TCF3: variants seen among roughly 807,000 people sequenced by gnomAD.
The protein encoded by TCF3 is transcription factor 3, also known as transcription factor E2-alpha.
TCF3 carries 54 observed loss-of-function variants against 72.3 expected under a neutral mutation model. The observed-to-expected ratio is 0.75, with a 90% CI of 0.60 to 0.94. The LOEUF (loss-of-function observed/expected upper bound fraction) is 0.94. TCF3 is among the 40% of genes least tolerant of loss of function. The probability of loss-of-function intolerance (pLI) is 0.00; values close to 1 mark genes in which losing one functional copy is unlikely to be tolerated. For missense variants in TCF3, 1,078 were observed against 934.4 expected (o/e 1.15, Z -2.00); for synonymous variants, 525 against 412.6 (o/e 1.27, Z -3.30).
chr19:1,651,520 G>A (rs1203467544), intron 1 of TCF3, among the ~76,000 whole-genome samples: 3 of 152,144 alleles, frequency 2.0e-5, no homozygotes, highest in African/African-American at 4.8e-5. Context: ...AGACTTAGTT[G>A]GGGGGGTGGC....
chr19:1,632,477 C>T (rs1053534755), intron 3 of TCF3, 72 bp from the exon 4 acceptor site: 2 of 1,491,948 alleles, frequency 1.3e-6, no homozygotes, highest in Admixed American at 2.0e-5. Context: ...GGTTCATCAT[C>T]TCAGGGGCAA....
At chr19:1,616,880 T>C (rs1194338409) in intron 16 of TCF3, among the ~76,000 whole-genome samples, 1 of 152,136 alleles carries the variant, frequency 6.6e-6, no homozygotes, top group Non-Finnish European at 1.5e-5. Context: ...TGCCAAAGAA[T>C]AGAAGACACC....
At chr19:1,629,536 G>C (rs989589968) in intron 5 of TCF3, among the ~76,000 whole-genome samples, 29 of 151,840 alleles carry the variant, frequency 1.9e-4, no homozygotes, top group Admixed American at 5.9e-4. Flanking sequence ...TGGCCAAGGC[G>C]AGCCCCCAGC....
intron 13 of TCF3, among the ~76,000 whole-genome samples, chr19:1,620,362 A>G (rs1414442359): frequency 2.0e-5 from 3 of 151,722 alleles, no homozygotes; most frequent in Non-Finnish European, 4.4e-5. Context: ...CCTGCCCCCG[A>G]CCCCCTGCGG....
chr19:1,619,236 TGCAGGCGTGG>T lies in TCF3; in HGVS notation c.1327-12_1327-3del. 6.3e-7 allele frequency: 1 copy of T among 1,592,572 alleles called. No individual in the cohort carries two copies. The highest frequency in any genetic ancestry group is 8.5e-7 in the Non-Finnish European group (1 of 1,176,226). On this transcript the variant is annotated splice_polypyrimidine_tract_variant and splice_region_variant and intron_variant, in intron 15 of 18. Coordinates refer to ENST00000262965, the MANE Select transcript of TCF3 (RefSeq NM_003200.5). ...GTCCTCGGGGTGGCTGCCTCCAACC[TGCAGGCGTGG>T]GGAGACGGGTGCATCAGGGGGAGCC...
chr19:1,646,520 G>A, intron 2 of TCF3, 93 bp from the exon 3 acceptor site: 1 of 1,193,736 alleles, frequency 8.4e-7, no homozygotes, highest in Non-Finnish European at 1.2e-6. Flanking sequence ...CAGAGCTGGG[G>A]ACACCCGGGA....
Position 1,619,174 on chromosome 19 carries a change from C to A in TCF3, c.1387G>T (p.Ala463Ser), listed in dbSNP as rs375753059. ...GTGCCTGGCTGGCTGGGGAGGGCCG[C>A]GTGGTTGTGCATGAGGCTGGTGCTG... The part of the protein sequence containing the change: ...AGSTSLMHNH[A>S]ALPSQPGTLP... The change falls in exon 16 of 19, where the codon GCG becomes TCG. Residue 463 changes from alanine to serine, a missense_variant. Ala to Ser is a moderately conservative substitution (Grantham distance 99). Coordinates refer to ENST00000262965, the MANE Select transcript of TCF3 (RefSeq NM_003200.5). 2 of 1,600,172 alleles carry A rather than the reference C, an allele frequency of 1.2e-6. No homozygotes were observed. Among genetic ancestry groups the A allele is most frequent in the Non-Finnish European group, 1.7e-6 (2 of 1,179,708 alleles).
At chr19:1,620,498 T>C (rs77469583) in intron 13 of TCF3, among the ~76,000 whole-genome samples, 7,166 of 152,298 alleles carry the variant, frequency 0.047, 270 homozygotes, top group Non-Finnish European at 0.073. Context: ...GCACACATTC[T>C]AGAGTCCAGG....
chr19:1,643,215 C>T (rs1019215017), intron 3 of TCF3, among the ~76,000 whole-genome samples: 5 of 152,128 alleles, frequency 3.3e-5, no homozygotes, highest in East Asian at 1.9e-4. Flanking sequence ...ATCTCTAATG[C>T]CTTTTTTGTT....
rs115881872 is a variant in TCF3, at chr19:1,646,761, G to A, written c.73-334C>T. On this transcript the variant is annotated intron_variant, in intron 2 of 18. Transcript: ENST00000262965. ...TGGGGGGAGGGGTATCCCATTAGGC[G>A]AAGGATACAACTTATCAGCTCTTGA... Among the ~76,000 whole-genome samples, 628 of 152,338 alleles carry A rather than the reference G, an allele frequency of 4.1e-3. 3 individuals are homozygous for A. Among genetic ancestry groups the A allele is most frequent in the African/African-American group, 0.014 (562 of 41,582 alleles).
At position 1,627,419 on chromosome 19, in the gene TCF3, G is replaced by A. The variant is rs200944840; in HGVS notation, c.306C>T (p.Ser102=). Reference sequence around the variant, plus strand: ...AGGAGGCATAGGCGCCCCGCTCACCGCTCTTGCCTGCAAGGGGAGAAGGAA... The same window carrying A: ...AGGAGGCATAGGCGCCCCGCTCACCACTCTTGCCTGCAAGGGGAGAAGGAA... ...TFLGPGLGGK[S]GERGAYASFG... Residue 102 remains serine (S), a synonymous_variant, in exon 6 of 19, where the codon AGC becomes AGT. Transcript: ENST00000262965. 74 of 1,611,806 alleles carry A rather than the reference G, an allele frequency of 4.6e-5. No homozygotes were observed. The highest frequency in any genetic ancestry group is 2.2e-4 in the Admixed American group (13 of 59,924).
intron 18 of TCF3, among the ~76,000 whole-genome samples, chr19:1,613,960 G>C (rs1291596903): frequency 6.6e-6 from 1 of 152,264 alleles, no homozygotes; most frequent in Admixed American, 6.5e-5. Context: ...TGCAGCTGGC[G>C]AGCGGGCACT....
chr19:1,648,861 C>A (rs913594101), intron 2 of TCF3, among the ~76,000 whole-genome samples: 2 of 151,548 alleles, frequency 1.3e-5, no homozygotes, highest in Non-Finnish European at 2.9e-5. Flanking sequence ...TGTAGACAGG[C>A]CAGAAGAAAC....
rs1334135017 is a variant in TCF3, at chr19:1,611,167, A to T, written c.*540T>A. The T allele has an allele frequency of 5.0e-5, 12 of 242,366 alleles. No individual in the cohort carries two copies. The highest frequency in any genetic ancestry group is 2.4e-4 in the African/African-American group (11 of 45,640). The allele number at this position is 242,366 out of a possible 1,614,324, so 15.0% of individuals were successfully genotyped here. A position where few individuals can be genotyped will look rare whatever the true frequency, so the allele number is the denominator to read the frequency against. ...TTTCATCTACATTAAGAAAAAAAAA[A>T]TCTTGTAACTAATGTTTTTATTTTC... On this transcript the variant is annotated 3_prime_UTR_variant, in exon 19 of 19. Coordinates refer to ENST00000262965, the MANE Select transcript of TCF3 (RefSeq NM_003200.5).
chr19:1,618,111 T>C (rs1599529365), intron 16 of TCF3, among the ~76,000 whole-genome samples: 2 of 152,188 alleles, frequency 1.3e-5, no homozygotes, highest in African/African-American at 4.8e-5. Context: ...CAGGCCCAGG[T>C]CCAGATTTGT....
At chr19:1,617,121 T>A (rs1403080213) in intron 16 of TCF3, among the ~76,000 whole-genome samples, 1 of 152,232 alleles carries the variant, frequency 6.6e-6, no homozygotes, top group East Asian at 1.9e-4. Flanking sequence ...CTAGCAAAGT[T>A]GAGGGACCTG....
At chr19:1,645,352 C>T (rs1024461593) in intron 3 of TCF3, among the ~76,000 whole-genome samples, 15 of 151,744 alleles carry the variant, frequency 9.9e-5, no homozygotes, top group Non-Finnish European at 2.1e-4. Context: ...CCCGCCCCAA[C>T]CTCCCCCACC....
chr19:1,621,078 A>AG, intron 12 of TCF3, 32 bp from the exon 13 acceptor site: 2 of 1,518,814 alleles, frequency 1.3e-6, no homozygotes, highest in Non-Finnish European at 1.8e-6. Context: ...ATGGGCGGTC[A>AG]GGGGCCGGCC....
In TCF3 at chr19:1,622,395, A is replaced by C; in HGVS notation, c.570T>G (p.Gly190=). The change falls in exon 9 of 19, where the codon GGT becomes GGG. Residue 190 remains glycine (G), a synonymous_variant. Transcript: ENST00000262965. The part of the protein sequence containing the change: ...LPSSVYPPSS[G]EDYGRDATAY... The stretch of plus-strand genomic sequence containing the variant: ...CGGTGGCATCCCTGCCGTAGTCCTC[A>C]CCTGAGCTGGGTGGGTACACCTGCG... The C allele has an allele frequency of 1.6e-6, 2 of 1,254,586 alleles. No homozygotes were observed. Among genetic ancestry groups the C allele is most frequent in the Non-Finnish European group, 2.1e-6 (2 of 967,844 alleles). 77.7% of individuals were successfully genotyped at this position (1,254,586 alleles called of 1,614,324 possible). A position where few individuals can be genotyped will look rare whatever the true frequency, so the allele number is the denominator to read the frequency against.
Sources: allele counts gnomAD v4.1 joint callset (sites outside exome capture counted in the v4.1 genomes callset), GRCh38; gene constraint gnomAD v4.1.1; transcripts MANE v1.5; gene names NCBI Gene and HGNC (gene_info 2026-07-23, HGNC 2026-07-21).